The following MATN2 variants were observed in gnomAD, a reference collection of about 807,000 sequenced individuals.
MATN2 encodes the protein matrilin 2, also known as matrilin-2.
Under a neutral mutation model 103.2 loss-of-function variants are expected in MATN2, and 69 were observed. That is an observed-to-expected ratio of 0.67 (90% CI 0.55 to 0.82). MATN2 has a LOEUF of 0.82. Ranked by LOEUF, MATN2 falls within the 40% of genes least tolerant of loss-of-function variation. The pLI, the probability that MATN2 is intolerant of heterozygous loss-of-function variation, is 0.00. For synonymous variants in MATN2, 429 were observed against 450.2 expected (o/e 0.95, Z 0.60); for missense variants, 1,023 against 1,211.5 (o/e 0.84, Z 2.31).
chr8:98,033,225 C>T (rs201836345), intron 17 of MATN2, 49 bp downstream of exon 17: 9 of 1,511,426 alleles, frequency 6.0e-6, no homozygotes, highest in East Asian at 2.4e-5. Flanking sequence ...CTCAGCCTTT[C>T]GGCTTGCCAA....
chr8:98,034,192 G>C (rs1181722070), intron 18 of MATN2: 1 of 455,418 alleles, frequency 2.2e-6, no homozygotes, highest in Non-Finnish European at 4.4e-6. Flanking sequence ...TTCTCTATCG[G>C]CACTCTAAAA....
chr8:98,035,238 TC>T (rs1257220142), intron 18 of MATN2, among the ~76,000 whole-genome samples: 1 of 151,882 alleles, frequency 6.6e-6, no homozygotes, highest in Non-Finnish European at 1.5e-5. Flanking sequence ...ATGCCTGTAA[TC>T]CCAGCTACTC....
chr8:97,941,182 A>AAAAGAAAG (rs1165245870), intron 3 of MATN2, among the ~76,000 whole-genome samples: 1 of 58,428 alleles, frequency 1.7e-5, no homozygotes, highest in Non-Finnish European at 3.1e-5. Context: ...AAAAAAAAAA[A>AAAAGAAAG]AAAGAAAGAA....
In MATN2 at chr8:97,931,640, C is replaced by G; in HGVS notation, c.712+118C>G. 1 of 980,024 alleles carries G rather than the reference C, an allele frequency of 1.0e-6. No individual in the cohort carries two copies. Among genetic ancestry groups the G allele is most frequent in the Non-Finnish European group, 1.5e-6 (1 of 680,456 alleles). The allele number at this position is 980,024 out of a possible 1,614,324, so 60.7% of individuals were successfully genotyped here. A position where few individuals can be genotyped will look rare whatever the true frequency, so the allele number is the denominator to read the frequency against. On this transcript the variant is annotated intron_variant, in intron 3 of 18. Coordinates refer to ENST00000254898, the MANE Select transcript of MATN2 (RefSeq NM_002380.5). This position sits in a 1 kb window ranked among gnomAD's most constrained non-coding sequence, Gnocchi z 4.1. ...TACTGTGCTGGCAATAGGTTTTCAA[C>G]AAAGGCCAAGATAAACACAACGTGC...
At chr8:97,880,835 G>C (rs1430728281) in intron 1 of MATN2, among the ~76,000 whole-genome samples, 1 of 152,032 alleles carries the variant, frequency 6.6e-6, no homozygotes, top group African/African-American at 2.4e-5. Flanking sequence ...CATCCTTCTT[G>C]GTCTCCCAAA....
intron 13 of MATN2, among the ~76,000 whole-genome samples, chr8:98,024,687 G>C (rs1444692883): frequency 6.6e-6 from 1 of 152,226 alleles, no homozygotes; most frequent in Non-Finnish European, 1.5e-5. Flanking sequence ...AGCAACAGCA[G>C]GGCTGGAGTA....
Position 98,005,457 on chromosome 8 carries a change from G to A in MATN2, c.1328-1648G>A, listed in dbSNP as rs188083528. Reference sequence around the variant, plus strand: ...GGGCAGGTGGTCCTGACCTGGCTGAGCCCACGCAGATCACCAGGGACATGG... The same window carrying A: ...GGGCAGGTGGTCCTGACCTGGCTGAACCCACGCAGATCACCAGGGACATGG... On this transcript the variant is annotated intron_variant, in intron 8 of 18. Coordinates refer to ENST00000254898, the MANE Select transcript of MATN2 (RefSeq NM_002380.5). This position sits in a 1 kb window ranked among gnomAD's most constrained non-coding sequence, Gnocchi z 4.6. 1.8e-3 allele frequency among the ~76,000 whole-genome samples: 278 copies of A among 152,252 alleles called. No individual in the cohort carries two copies. Among genetic ancestry groups the A allele is most frequent in the Non-Finnish European group, 3.5e-3 (240 of 68,004 alleles).
intron 6 of MATN2, among the ~76,000 whole-genome samples, chr8:97,983,396 A>C (rs1812089571): frequency 6.6e-6 from 1 of 152,156 alleles, no homozygotes; most frequent in East Asian, 1.9e-4. Context: ...CAGAAGTGGA[A>C]TTGCTGGTCC....
chr8:97,967,763 G>A (rs1302360917), intron 5 of MATN2, among the ~76,000 whole-genome samples: 3 of 152,230 alleles, frequency 2.0e-5, no homozygotes, highest in Non-Finnish European at 4.4e-5. Context: ...TGCTAAGGTT[G>A]CAAACTGCCA....
chr8:97,976,274 A>G (rs1811834797), intron 5 of MATN2, among the ~76,000 whole-genome samples: 1 of 151,752 alleles, frequency 6.6e-6, no homozygotes, highest in Non-Finnish European at 1.5e-5. Flanking sequence ...ATGCCCAGCT[A>G]TTTTTTGTAT....
chr8:97,993,218 T>C (rs1189703231), intron 6 of MATN2, among the ~76,000 whole-genome samples: 1 of 152,196 alleles, frequency 6.6e-6, no homozygotes, highest in African/African-American at 2.4e-5. Flanking sequence ...TTGTATATCT[T>C]TCCCTTACTC....
intron 2 of MATN2, among the ~76,000 whole-genome samples, chr8:97,912,100 C>T (rs1809466197): frequency 6.6e-6 from 1 of 152,222 alleles, no homozygotes. Context: ...TTACACTGCA[C>T]GACCTGCTTC....
intron 4 of MATN2, among the ~76,000 whole-genome samples, chr8:97,953,047 C>G (rs1208882048): frequency 6.6e-6 from 1 of 151,620 alleles, no homozygotes; most frequent in Non-Finnish European, 1.5e-5. Context: ...CTCAGCCTCC[C>G]TAGTAGCTGG....
At chr8:97,922,234 T>G (rs181853812) in intron 2 of MATN2, among the ~76,000 whole-genome samples, 1 of 152,208 alleles carries the variant, frequency 6.6e-6, no homozygotes, top group Admixed American at 6.5e-5. Context: ...ATTCTTATAG[T>G]GGAGGATCCA....
chr8:98,023,990 T>C, intron 13 of MATN2, among the ~76,000 whole-genome samples: 1 of 152,024 alleles, frequency 6.6e-6, no homozygotes, highest in Non-Finnish European at 1.5e-5. Context: ...AGCTGAACAA[T>C]GAGAACACAT....
At chr8:98,034,724 C>T (rs1341061043) in intron 18 of MATN2, among the ~76,000 whole-genome samples, 1 of 152,080 alleles carries the variant, frequency 6.6e-6, no homozygotes, top group Non-Finnish European at 1.5e-5. Context: ...TCCTCAAAAC[C>T]GTGGCCTTAT....
At chr8:97,973,790 G>A (rs543999459) in intron 5 of MATN2, among the ~76,000 whole-genome samples, 19 of 151,972 alleles carry the variant, frequency 1.3e-4, no homozygotes, top group African/African-American at 3.9e-4. Flanking sequence ...GGCTGGTCTC[G>A]AACCCCTGGG....
chr8:97,908,932 C>T (rs144803951), intron 2 of MATN2, among the ~76,000 whole-genome samples: 1,772 of 152,026 alleles, frequency 0.012, 24 homozygotes, highest in Non-Finnish European at 0.015. Context: ...CCTGCACCAG[C>T]CCCTCCCCGC....
intron 5 of MATN2, among the ~76,000 whole-genome samples, chr8:97,975,515 C>T (rs977583320): frequency 6.6e-6 from 1 of 152,142 alleles, no homozygotes; most frequent in African/African-American, 2.4e-5. Flanking sequence ...AGAGGACATT[C>T]AAGAGAAAAG....
Sources: gnomAD v4.1 joint callset for allele counts (sites outside exome capture counted in the v4.1 genomes callset) on GRCh38, gnomAD v4.1.1 for gene constraint, Gnocchi (gnomAD v3.1) non-coding constraint, MANE v1.5 for transcripts, NCBI Gene and HGNC (gene_info 2026-07-23, HGNC 2026-07-21) for gene names.